Variants in ST6GALNAC3 observed in about 807,000 individuals in gnomAD.
ST6GALNAC3 encodes the protein ST6 N-acetylgalactosaminide alpha-2,6-sialyltransferase 3, also known as alpha-N-acetylgalactosaminide alpha-2,6-sialyltransferase 3.
In ST6GALNAC3, 25 loss-of-function variants were observed where a neutral mutation model predicts 32.7. That is an observed-to-expected ratio of 0.76 (90% confidence interval 0.56 to 1.07). ST6GALNAC3 has a LOEUF of 1.07. Among genes scored for constraint, ST6GALNAC3 ranks in the 50% least tolerant of loss-of-function variants. ST6GALNAC3 has a pLI of 0.00. For missense variants in ST6GALNAC3, 355 were observed against 382.4 expected, an observed-to-expected ratio of 0.93 and a Z score of 0.60; for synonymous variants, 129 against 133.1, an observed-to-expected ratio of 0.97 and a Z score of 0.21.
chr1:76,593,505 T>G (rs190642088), intron 3 of ST6GALNAC3, among the ~76,000 whole-genome samples: 1 of 152,306 alleles, frequency 6.6e-6, no homozygotes, highest in East Asian at 1.9e-4. Context: ...CTGATGGCCT[T>G]GGACAGGGCA....
chr1:76,391,264 T>C (rs1405649373), intron 2 of ST6GALNAC3, among the ~76,000 whole-genome samples: 1 of 152,122 alleles, frequency 6.6e-6, no homozygotes, highest in African/African-American at 2.4e-5. Flanking sequence ...ATCTTTTAAG[T>C]GATCAATATA....
At chr1:76,162,799 G>C (rs1407093758) in intron 1 of ST6GALNAC3, among the ~76,000 whole-genome samples, 1 of 152,196 alleles carries the variant, frequency 6.6e-6, no homozygotes, top group Admixed American at 6.5e-5. Flanking sequence ...AGGGGGCCCA[G>C]CTAGGTCTAG....
chr1:76,420,379 T>C (rs766110735), intron 3 of ST6GALNAC3, among the ~76,000 whole-genome samples: 4 of 152,052 alleles, frequency 2.6e-5, no homozygotes, highest in Non-Finnish European at 4.4e-5. Context: ...CCCTATTCCT[T>C]AGCAAATTAA....
intron 3 of ST6GALNAC3, among the ~76,000 whole-genome samples, chr1:76,570,784 G>A (rs998196885): frequency 2.4e-4 from 37 of 151,972 alleles, no homozygotes; most frequent in African/African-American, 8.7e-4. Context: ...TTCCTTTCTT[G>A]GATCTCCTTT....
chr1:76,353,435 A>T (rs930850292), intron 2 of ST6GALNAC3: 1 of 151,776 alleles, frequency 6.6e-6, no homozygotes, highest in African/African-American at 2.4e-5. Flanking sequence ...TTGTCAAATC[A>T]TTGTTCGTTT....
intron 3 of ST6GALNAC3, among the ~76,000 whole-genome samples, chr1:76,470,815 G>C (rs907080938): frequency 2.6e-5 from 4 of 152,072 alleles, no homozygotes; most frequent in African/African-American, 4.8e-5. Context: ...ACATAAACTG[G>C]GTTGAGCACA....
intron 2 of ST6GALNAC3, among the ~76,000 whole-genome samples, chr1:76,356,950 A>T (rs1429915562): frequency 6.6e-6 from 1 of 152,098 alleles, no homozygotes; most frequent in Non-Finnish European, 1.5e-5. Flanking sequence ...CATGTCCACA[A>T]TAGGTAACCC....
intron 2 of ST6GALNAC3, among the ~76,000 whole-genome samples, chr1:76,383,296 A>G (rs1003522534): frequency 2.0e-5 from 3 of 152,132 alleles, no homozygotes; most frequent in East Asian, 3.8e-4. Flanking sequence ...GTAGAGACAG[A>G]GTCTTGCTCT....
intron 1 of ST6GALNAC3, among the ~76,000 whole-genome samples, chr1:76,081,653 C>T (rs1360274720): frequency 6.6e-6 from 1 of 152,114 alleles, no homozygotes; most frequent in African/African-American, 2.4e-5. Flanking sequence ...CTGTTTAATT[C>T]TGAATAGATC....
chr1:76,609,650 A>G (rs998724651), intron 3 of ST6GALNAC3, among the ~76,000 whole-genome samples: 2 of 152,200 alleles, frequency 1.3e-5, no homozygotes, highest in African/African-American at 4.8e-5. Context: ...AATCATTTGG[A>G]GGAAATGCTA....
chr1:76,157,952 C>T (rs543471807), intron 1 of ST6GALNAC3, among the ~76,000 whole-genome samples: 18 of 152,296 alleles, frequency 1.2e-4, no homozygotes, highest in African/African-American at 2.9e-4. Context: ...TGATTGCCCA[C>T]GGTTTCTTGG....
intron 1 of ST6GALNAC3, among the ~76,000 whole-genome samples, chr1:76,298,868 A>G (rs1442093788): frequency 6.6e-6 from 1 of 152,054 alleles, no homozygotes; most frequent in Non-Finnish European, 1.5e-5. Flanking sequence ...CAATCCACAT[A>G]TAGGAAATAT....
intron 2 of ST6GALNAC3, among the ~76,000 whole-genome samples, chr1:76,347,723 A>C (rs1017563107): frequency 2.6e-5 from 4 of 152,138 alleles, no homozygotes; most frequent in Non-Finnish European, 1.5e-5. Context: ...GTGGCTCTGG[A>C]GTCAAACTTC....
rs1557614082 is a variant in ST6GALNAC3, at chr1:76,599,719, TGTGTGTGTGTG to T, written c.624-27732_624-27722del. Among the ~76,000 whole-genome samples, 291 of 35,912 alleles carry T rather than the reference TGTGTGTGTGTG, an allele frequency of 8.1e-3. 1 individual carries two copies. The highest frequency in any genetic ancestry group is 0.014 in the African/African-American group (274 of 19,232). The allele number at this position is 35,912 out of a possible 152,430, so 23.6% of individuals were successfully genotyped here. ...TTTTATTCCTCCCACTACCGTATCG[TGTGTGTGTGTG>T]TGTGTGTGTGTGTGTGTGTGTGTGT... is the stretch of plus-strand genomic sequence containing the variant. On this transcript the variant is annotated intron_variant, in intron 3 of 4. Coordinates refer to ENST00000328299, the MANE Select transcript of ST6GALNAC3 (RefSeq NM_152996.4).
chr1:76,342,012 A>G (rs1054707381), intron 2 of ST6GALNAC3, among the ~76,000 whole-genome samples: 7 of 152,018 alleles, frequency 4.6e-5, no homozygotes, highest in Non-Finnish European at 7.4e-5. Flanking sequence ...TTCCAGCTTT[A>G]TCCATGTCCC....
chr1:76,318,644 C>T (rs886847665), intron 2 of ST6GALNAC3, among the ~76,000 whole-genome samples: 5 of 152,052 alleles, frequency 3.3e-5, no homozygotes, highest in Admixed American at 6.6e-5. Context: ...GAGATTCCAC[C>T]TATAGCATTA....
rs1255910474 is a variant in ST6GALNAC3 at position 76,631,699 on chromosome 1, A to T, written c.*2893A>T. The T allele has an allele frequency of 2.0e-5, 3 of 152,122 alleles. No homozygotes were observed. Among genetic ancestry groups the T allele is most frequent in the Admixed American group, 6.6e-5 (1 of 15,254 alleles). The allele number at this position is 152,122 out of a possible 1,614,324, so 9.4% of individuals were successfully genotyped here. ...ATTAATTAATATCTGTGAAAAATAA[A>T]AATATTTCAATACTATCCGTGCTTC... On this transcript the variant is annotated 3_prime_UTR_variant, in exon 5 of 5. Coordinates refer to ENST00000328299, the MANE Select transcript of ST6GALNAC3 (RefSeq NM_152996.4).
chr1:76,362,129 A>G (rs1006301095), intron 2 of ST6GALNAC3, among the ~76,000 whole-genome samples: 16 of 152,160 alleles, frequency 1.1e-4, no homozygotes, highest in Non-Finnish European at 2.9e-5. Flanking sequence ...GAACTTTACA[A>G]TAATAATGGA....
chr1:76,518,650 T>C (rs1662318839), intron 3 of ST6GALNAC3, among the ~76,000 whole-genome samples: 3 of 152,308 alleles, frequency 2.0e-5, no homozygotes, highest in South Asian at 4.1e-4. Context: ...AATTTTTCAT[T>C]TTCTTTCTAC....
Sources: allele counts gnomAD v4.1 joint callset (sites outside exome capture counted in the v4.1 genomes callset), GRCh38; gene constraint gnomAD v4.1.1; transcripts MANE v1.5; gene names NCBI Gene and HGNC (gene_info 2026-07-23, HGNC 2026-07-21).